Variants in TMEM217B observed in about 807,000 individuals in gnomAD.
TMEM217B encodes the protein putative transmembrane protein 217B.
At chr6:37,239,251 G>T in the TMEM217B span, among the ~76,000 whole-genome samples, 1 of 152,208 alleles carries the variant, frequency 6.6e-6, no homozygotes, top group South Asian at 2.1e-4. Context: ...CAGTTTGGGA[G>T]GCCAAGGTGG....
the TMEM217B span, among the ~76,000 whole-genome samples, chr6:37,256,768 C>T: frequency 6.6e-6 from 1 of 152,052 alleles, no homozygotes; most frequent in African/African-American, 2.4e-5. Context: ...GGGGGACACG[C>T]AGCCCACCTC....
At chr6:37,223,939 C>CTT in the TMEM217B span, among the ~76,000 whole-genome samples, 4 of 144,434 alleles carry the variant, frequency 2.8e-5, no homozygotes, top group Non-Finnish European at 6.1e-5. Context: ...CTGCCTCAGC[C>CTT]TTTTTTTTTT....
chr6:37,215,589 A>AG, the TMEM217B span, among the ~76,000 whole-genome samples: 1 of 150,478 alleles, frequency 6.6e-6, no homozygotes, highest in African/African-American at 2.4e-5. Context: ...AAAAAAAAAA[A>AG]AAAAAAAAAA....
At chr6:37,246,156 A>G in the TMEM217B span, among the ~76,000 whole-genome samples, 1,216 of 152,236 alleles carry the variant, frequency 8.0e-3, 7 homozygotes, top group Non-Finnish European at 0.011. Context: ...TTCTTGGCTC[A>G]CTTTTCTCTT....
the TMEM217B span, among the ~76,000 whole-genome samples, chr6:37,226,339 C>T: frequency 1.6e-5 from 2 of 123,260 alleles, no homozygotes; most frequent in East Asian, 4.9e-4. Flanking sequence ...TTCGCCCAGG[C>T]TGGAGTGCAG....
the TMEM217B span, chr6:37,212,966 T>G: frequency 1.9e-6 from 3 of 1,548,456 alleles, no homozygotes; most frequent in African/African-American, 4.1e-5. Flanking sequence ...ATCCTGACAT[T>G]CATTTTATAC....
chr6:37,235,882 T>TC, the TMEM217B span, among the ~76,000 whole-genome samples: 1 of 152,150 alleles, frequency 6.6e-6, no homozygotes, highest in Non-Finnish European at 1.5e-5. Flanking sequence ...CTTAATCCCT[T>TC]CCCCAAAGTC....
At chr6:37,252,631 A>ATTTTT in the TMEM217B span, among the ~76,000 whole-genome samples, 3 of 77,324 alleles carry the variant, frequency 3.9e-5, no homozygotes, top group African/African-American at 1.8e-4. Flanking sequence ...ATATATATAT[A>ATTTTT]TATATATTTT....
the TMEM217B span, among the ~76,000 whole-genome samples, chr6:37,254,385 C>T: frequency 6.6e-6 from 1 of 152,316 alleles, no homozygotes; most frequent in African/African-American, 2.4e-5. Flanking sequence ...CCATACCTAT[C>T]AGCCCTTTGA....
the TMEM217B span, among the ~76,000 whole-genome samples, chr6:37,238,167 G>GAA: frequency 3.0e-3 from 438 of 148,260 alleles, 1 homozygote; most frequent in South Asian, 8.9e-3. Context: ...TAAAAACACT[G>GAA]AAAAAAAAAA....
At chr6:37,213,864 C>T in the TMEM217B span, among the ~76,000 whole-genome samples, 3 of 152,246 alleles carry the variant, frequency 2.0e-5, no homozygotes, top group Non-Finnish European at 4.4e-5. Flanking sequence ...TCATCATTCA[C>T]TACACTGGCG....
At chr6:37,229,404 G>A in the TMEM217B span, among the ~76,000 whole-genome samples, 4 of 135,440 alleles carry the variant, frequency 3.0e-5, no homozygotes, top group Non-Finnish European at 4.6e-5. Flanking sequence ...GTGCAGCGGC[G>A]CGATCTCGGC....
the TMEM217B span, among the ~76,000 whole-genome samples, chr6:37,251,022 C>G: frequency 1.5e-5 from 2 of 136,700 alleles, no homozygotes; most frequent in South Asian, 2.4e-4. Flanking sequence ...CTGCCTGACC[C>G]TTTCCACCAT....
the TMEM217B span, chr6:37,212,834 A>T: frequency 4.6e-6 from 5 of 1,090,942 alleles, no homozygotes; most frequent in Admixed American, 4.0e-5. Flanking sequence ...ACTAGCTCCG[A>T]CTTTGAGTCC....
At chr6:37,234,102 CT>C in the TMEM217B span, among the ~76,000 whole-genome samples, 94,682 of 127,570 alleles carry the variant, frequency 0.74, 34,645 homozygotes, top group South Asian at 0.84. Context: ...TATTAAATGC[CT>C]TTTTTTTTTT....
chr6:37,253,922 G>A, the TMEM217B span, among the ~76,000 whole-genome samples: 4 of 152,242 alleles, frequency 2.6e-5, no homozygotes, highest in South Asian at 8.3e-4. Context: ...AGTCAACCCA[G>A]GCATATCTCA....
the TMEM217B span, among the ~76,000 whole-genome samples, chr6:37,231,028 C>A: frequency 6.6e-6 from 1 of 152,046 alleles, no homozygotes; most frequent in South Asian, 2.1e-4. Flanking sequence ...AAACCACTGT[C>A]ACTAAATTCC....
At chr6:37,229,250 C>G in the TMEM217B span, among the ~76,000 whole-genome samples, 2 of 150,518 alleles carry the variant, frequency 1.3e-5, no homozygotes, top group South Asian at 2.1e-4. Context: ...GCCAACTCAA[C>G]TGAACAGAGT....
chr6:37,215,994 GGTGTGT>G, the TMEM217B span, among the ~76,000 whole-genome samples: 19 of 149,182 alleles, frequency 1.3e-4, no homozygotes, highest in East Asian at 5.9e-4. Context: ...GGTTCTTCAG[GGTGTGT>G]GTGTGTGTGT....
Sources: gnomAD v4.1 joint callset for allele counts (sites outside exome capture counted in the v4.1 genomes callset) on GRCh38, gnomAD v4.1.1 for gene constraint, MANE v1.5 for transcripts, NCBI Gene and HGNC (gene_info 2026-07-23, HGNC 2026-07-21) for gene names.